CACNA1A: variants seen among roughly 807,000 people sequenced by gnomAD.
CACNA1A encodes voltage-dependent P/Q-type calcium channel subunit alpha-1A.
CACNA1A carries 57 observed loss-of-function variants against 262.4 expected under a neutral mutation model. The ratio of observed to expected loss-of-function variants is 0.22; its 90% CI spans 0.18 to 0.27. The LOEUF (loss-of-function observed/expected upper bound fraction) is 0.27. CACNA1A is among the 10% of genes least tolerant of loss of function. CACNA1A has a pLI of 1.00. For synonymous variants in CACNA1A, 1,431 were observed against 1,419.3 expected (o/e 1.01, Z -0.18); for missense variants, 2,526 against 3,562.8 (o/e 0.71, Z 7.41).
Position 13,262,803 on chromosome 19 carries a change from C to A in CACNA1A, c.4020G>T (p.Thr1340=), listed in dbSNP as rs370735316. ...CCCGGAGGACTCGGAGGGATTTAAT[C>A]GTGTTGATGTCTTTTCCTTTGCTAT... The part of the protein sequence containing the change: ...TGNSKGKDIN[T]IKSLRVLRVL... The change falls in exon 25 of 47, where the codon ACG becomes ACT. Residue 1340 remains threonine (T), a synonymous_variant. Transcript: ENST00000360228. 2.4e-5 allele frequency: 39 copies of A among 1,612,974 alleles called. No homozygotes were observed. Among genetic ancestry groups the A allele is most frequent in the Non-Finnish European group, 2.9e-5 (34 of 1,179,406 alleles).
chr19:13,464,789 C>G (rs1386191540), intron 1 of CACNA1A, among the ~76,000 whole-genome samples: 1 of 152,020 alleles, frequency 6.6e-6, no homozygotes, highest in Non-Finnish European at 1.5e-5. Context: ...ACCTTGTGAT[C>G]TGCCCACCTT....
intron 3 of CACNA1A, among the ~76,000 whole-genome samples, chr19:13,388,003 G>A (rs935252662): frequency 6.6e-6 from 1 of 152,104 alleles, no homozygotes; most frequent in African/African-American, 2.4e-5. Context: ...GAAGATGTTA[G>A]CATGGTTAGA....
chr19:13,303,241 C>T (rs2144977054), intron 17 of CACNA1A, among the ~76,000 whole-genome samples: 1 of 152,274 alleles, frequency 6.6e-6, no homozygotes, highest in Middle Eastern at 3.4e-3. Flanking sequence ...CTACACCATT[C>T]CTTGGAAACC....
At chr19:13,377,368 A>T (rs1245430728) in intron 3 of CACNA1A, among the ~76,000 whole-genome samples, 1 of 149,752 alleles carries the variant, frequency 6.7e-6, no homozygotes, top group Non-Finnish European at 1.5e-5. Context: ...GACTTCTAAC[A>T]CAACATTTTT....
chr19:13,409,083 C>G (rs1358552713), intron 3 of CACNA1A, among the ~76,000 whole-genome samples: 1 of 152,198 alleles, frequency 6.6e-6, no homozygotes, highest in Non-Finnish European at 1.5e-5. Flanking sequence ...TCATTCACGC[C>G]ATCTCCAGGG....
chr19:13,298,893 C>T lies in CACNA1A; in HGVS notation c.2740G>A (p.Gly914Arg). 6.3e-7 allele frequency: 1 copy of T among 1,594,408 alleles called. No individual in the cohort carries two copies. The highest frequency in any genetic ancestry group is 8.5e-7 in the Non-Finnish European group (1 of 1,177,822). The part of the protein sequence containing the change: ...HAREGSLEQP[G>R]FWEGEAERGK... ...CGCTCGGCCTCGCCCTCCCAGAACC[C>T]GGGTTGCTCCAGGCTGCCCTCCCGG... The change falls in exon 19 of 47, where the codon GGG (glycine) becomes AGG (arginine). Residue 914 changes from glycine (G) to arginine (R), a missense_variant. By Grantham distance (125) the Gly-to-Arg change is moderately radical (BLOSUM62 -2). This residue lies in a region of CACNA1A where 765 missense variants were observed against 748.6 expected (regional missense o/e 1.02). Coordinates refer to ENST00000360228, the MANE Select transcript of CACNA1A (RefSeq NM_001127222.2).
intron 3 of CACNA1A, among the ~76,000 whole-genome samples, chr19:13,446,610 CTTT>C (rs528828997): frequency 0.12 from 14,349 of 119,826 alleles, 819 homozygotes; most frequent in East Asian, 0.27. Flanking sequence ...CCATGCCAGG[CTTT>C]TTTTTTTTTT....
intron 31 of CACNA1A, among the ~76,000 whole-genome samples, chr19:13,239,550 A>G (rs1316043857): frequency 2.0e-5 from 3 of 152,142 alleles, no homozygotes; most frequent in African/African-American, 7.2e-5. Context: ...GGCTCATTAA[A>G]TGTTTGGTGG....
chr19:13,207,282 G>C lies in CACNA1A; in HGVS notation c.*31C>G, dbSNP rs767528507. The C allele has an allele frequency of 6.6e-7, 1 of 1,526,228 alleles. No individual in the cohort carries two copies. The highest frequency in any genetic ancestry group is 2.5e-5 in the East Asian group (1 of 39,822). The allele number at this position is 1,526,228 out of a possible 1,614,324, so 94.5% of individuals were successfully genotyped here. A position where few individuals can be genotyped will look rare whatever the true frequency, so the allele number is the denominator to read the frequency against. On this transcript the variant is annotated 3_prime_UTR_variant, in exon 47 of 47. Transcript: ENST00000360228. The surrounding 1 kb of genome is among the most constrained non-coding windows in gnomAD (Gnocchi z 5.7). ...GTGGGGTGTGTGCGTGGGGTGCGTGGGGGGCCGGGCGGGCGCCACCTCGCC... is the reference window on the plus strand; with the variant it reads ...GTGGGGTGTGTGCGTGGGGTGCGTGCGGGGCCGGGCGGGCGCCACCTCGCC...
chr19:13,286,558 G>C lies in CACNA1A; in HGVS notation c.3498C>G (p.Thr1166=), dbSNP rs781641025. The C allele has an allele frequency of 6.5e-7, 1 of 1,548,994 alleles. No homozygotes were observed. The highest frequency in any genetic ancestry group is 1.4e-5 in the African/African-American group (1 of 72,526). Residue 1166 remains threonine (T), a synonymous_variant, in exon 20 of 47, where the codon ACC becomes ACG. Coordinates refer to ENST00000360228, the MANE Select transcript of CACNA1A (RefSeq NM_001127222.2). The part of the protein sequence containing the change: ...SAKTARKPDH[T]TVDIPPACPP... The stretch of plus-strand genomic sequence containing the variant: ...GGCAGGCTGGGGGGATGTCCACTGT[G>C]GTGTGGTCGGGTTTCCTGGCAGTCT...
intron 3 of CACNA1A, among the ~76,000 whole-genome samples, chr19:13,429,142 C>T (rs2060455747): frequency 6.7e-6 from 1 of 149,492 alleles, no homozygotes; most frequent in Non-Finnish European, 1.5e-5. Context: ...GTCATTTCTC[C>T]CCCTCCAGCC....
intron 3 of CACNA1A, among the ~76,000 whole-genome samples, chr19:13,419,100 G>A (rs755279985): frequency 6.6e-6 from 1 of 152,072 alleles, no homozygotes; most frequent in African/African-American, 2.4e-5. Context: ...TCGCCATGTT[G>A]GCCAGGCTGG....
intron 3 of CACNA1A, among the ~76,000 whole-genome samples, chr19:13,407,623 T>A (rs1322329381): frequency 2.0e-5 from 3 of 152,252 alleles, no homozygotes; most frequent in African/African-American, 7.2e-5. Context: ...CCATAGTTTA[T>A]CCGACAGTTC....
intron 3 of CACNA1A, among the ~76,000 whole-genome samples, chr19:13,378,351 C>G (rs1035479559): frequency 1.1e-4 from 16 of 152,136 alleles, no homozygotes; most frequent in Non-Finnish European, 1.9e-4. Context: ...ACTTAGTTGA[C>G]AAAGCAGTGG....
Position 13,241,472 on chromosome 19 carries a change from T to A in CACNA1A, c.4950+3710A>T. On this transcript the variant is annotated intron_variant, in intron 31 of 46. Transcript: ENST00000360228. This position sits in a 1 kb window ranked among gnomAD's most constrained non-coding sequence, Gnocchi z 4.0. ...TGCAATGCCGACGCGAGGAGATGCG[T>A]TCACAGTTAATGTAAGGCATTTAGA... is the stretch of plus-strand genomic sequence containing the variant. 7.2e-7 allele frequency: 1 copy of A among 1,390,792 alleles called. No individual in the cohort carries two copies. Among genetic ancestry groups the A allele is most frequent in the Non-Finnish European group, 9.9e-7 (1 of 1,014,808 alleles). The allele number at this position is 1,390,792 out of a possible 1,614,324, so 86.2% of individuals were successfully genotyped here. A position where few individuals can be genotyped will look rare whatever the true frequency, so the allele number is the denominator to read the frequency against.
At chr19:13,467,883 G>A (rs1341869191) in intron 1 of CACNA1A, among the ~76,000 whole-genome samples, 1 of 152,008 alleles carries the variant, frequency 6.6e-6, no homozygotes, top group Non-Finnish European at 1.5e-5. Flanking sequence ...GAGATTACAG[G>A]CATGAGCCAC....
At chr19:13,235,893 A>G (rs1162042620) in intron 31 of CACNA1A, 163 bp from the exon 32 acceptor site, 1 of 577,784 alleles carries the variant, frequency 1.7e-6, no homozygotes, top group East Asian at 2.8e-5. Flanking sequence ...AATGATGCAG[A>G]GGAAAAACTC....
At chr19:13,464,685 A>G (rs989467423) in intron 1 of CACNA1A, among the ~76,000 whole-genome samples, 4 of 151,250 alleles carry the variant, frequency 2.6e-5, no homozygotes, top group African/African-American at 9.7e-5. Context: ...AGTAGCTGGG[A>G]TTACAGGCGC....
At chr19:13,385,678 TTTTTA>T (rs1428492950) in intron 3 of CACNA1A, among the ~76,000 whole-genome samples, 1 of 152,142 alleles carries the variant, frequency 6.6e-6, no homozygotes, top group Non-Finnish European at 1.5e-5. Context: ...TTATTTTTAT[TTTTTA>T]TTTTATTTTT....
Sources: gnomAD v4.1 joint callset for allele counts (sites outside exome capture counted in the v4.1 genomes callset) on GRCh38, gnomAD v4.1.1 for gene constraint, gnomAD v4.1.1 regional missense constraint, Gnocchi (gnomAD v3.1) non-coding constraint, MANE v1.5 for transcripts, NCBI Gene and HGNC (gene_info 2026-07-23, HGNC 2026-07-21) for gene names.